SAMD5: variants seen among roughly 807,000 people sequenced by gnomAD.
The protein encoded by SAMD5 is sterile alpha motif domain containing 5, also known as sterile alpha motif domain-containing protein 5.
SAMD5 carries 13 observed loss-of-function variants against 11.3 expected under a neutral mutation model. The observed-to-expected ratio is 1.15, with a 90% CI of 0.75 to 1.83. The LOEUF (loss-of-function observed/expected upper bound fraction) is 1.83. SAMD5 is among the 40% of genes most tolerant of loss of function. The pLI, the probability that SAMD5 is intolerant of heterozygous loss-of-function variation, is 0.00. For missense variants in SAMD5, 255 were observed against 239.1 expected (o/e 1.07, Z -0.44); for synonymous variants, 129 against 111.3 (o/e 1.16, Z -1.00).
intron 1 of SAMD5, among the ~76,000 whole-genome samples, chr6:147,644,376 C>T (rs964675587): frequency 6.6e-6 from 1 of 152,132 alleles, no homozygotes; most frequent in Non-Finnish European, 1.5e-5. Flanking sequence ...AGACAGTTTA[C>T]TCACATTCTT....
the SAMD5 span, among the ~76,000 whole-genome samples, chr6:147,833,071 C>T: frequency 1.3e-5 from 2 of 152,152 alleles, no homozygotes; most frequent in African/African-American, 4.8e-5. Context: ...ACTGAAATCC[C>T]AGTGCCTGGG....
the SAMD5 span, among the ~76,000 whole-genome samples, chr6:147,789,112 C>T: frequency 4.8e-5 from 7 of 145,148 alleles, no homozygotes; most frequent in Non-Finnish European, 1.5e-5. Flanking sequence ...AAAAAAAAAA[C>T]ACCACCATCC....
chr6:147,918,478 G>T, the SAMD5 span, among the ~76,000 whole-genome samples: 1 of 152,098 alleles, frequency 6.6e-6, no homozygotes, highest in Non-Finnish European at 1.5e-5. Flanking sequence ...TCAACATAGT[G>T]TTGGAAGTTC....
the SAMD5 span, among the ~76,000 whole-genome samples, chr6:147,782,739 A>G: frequency 0.018 from 2,734 of 152,360 alleles, 74 homozygotes; most frequent in African/African-American, 0.062. Context: ...AAAGAGTCTA[A>G]AAGGTATTAT....
chr6:147,590,713 A>T (rs556978293), intron 1 of SAMD5, among the ~76,000 whole-genome samples: 1 of 152,282 alleles, frequency 6.6e-6, no homozygotes, highest in East Asian at 1.9e-4. Flanking sequence ...GCCTGGCCTC[A>T]GTAACTGTTT....
At chr6:147,897,133 T>C in the SAMD5 span, among the ~76,000 whole-genome samples, 5 of 152,224 alleles carry the variant, frequency 3.3e-5, no homozygotes, top group African/African-American at 2.4e-5. Context: ...GACTGAAATG[T>C]GTATTTTAAA....
At chr6:147,792,458 C>A in the SAMD5 span, among the ~76,000 whole-genome samples, 19 of 152,064 alleles carry the variant, frequency 1.2e-4, no homozygotes, top group African/African-American at 4.6e-4. Flanking sequence ...TAATGTTTAG[C>A]TAATATAGAC....
At chr6:147,579,357 G>T (rs1437755445) in intron 1 of SAMD5, among the ~76,000 whole-genome samples, 2 of 151,758 alleles carry the variant, frequency 1.3e-5, no homozygotes, top group African/African-American at 2.4e-5. Context: ...AAGGTGTTTT[G>T]TGGAAGAAAA....
At chr6:147,693,167 A>G (rs1441480478) in intron 1 of SAMD5, among the ~76,000 whole-genome samples, 1 of 152,222 alleles carries the variant, frequency 6.6e-6, no homozygotes, top group African/African-American at 2.4e-5. Flanking sequence ...TCTGGACTAC[A>G]CTGGCACCTT....
In SAMD5 at chr6:147,564,973, A is replaced by T. The variant is rs1789013562; in HGVS notation, c.*517A>T. On this transcript the variant is annotated 3_prime_UTR_variant, in exon 2 of 2. Coordinates refer to ENST00000367474, the MANE Select transcript of SAMD5 (RefSeq NM_001030060.3). ...TTTATAAGATAAGATACATAATTCT[A>T]TGTAGAATAGTTTGGTGAAGGAATT... The T allele has an allele frequency of 1.2e-6, 1 of 818,306 alleles. No homozygotes were observed. Among genetic ancestry groups the T allele is most frequent in the African/African-American group, 1.9e-5 (1 of 53,324 alleles). The allele number at this position is 818,306 out of a possible 1,614,324, so 50.7% of individuals were successfully genotyped here. A position where few individuals can be genotyped will look rare whatever the true frequency, so the allele number is the denominator to read the frequency against.
At chr6:147,689,075 G>A (rs1050309121) in intron 1 of SAMD5, among the ~76,000 whole-genome samples, 18 of 152,114 alleles carry the variant, frequency 1.2e-4, no homozygotes, top group African/African-American at 3.4e-4. Flanking sequence ...TCCTGGTTTG[G>A]TTTCTTTGGT....
At chr6:147,887,215 C>T in the SAMD5 span, among the ~76,000 whole-genome samples, 1 of 152,082 alleles carries the variant, frequency 6.6e-6, no homozygotes. Context: ...TCAAAGTGTG[C>T]AATTTGATAA....
intron 1 of SAMD5, among the ~76,000 whole-genome samples, chr6:147,580,258 A>C (rs1044981155): frequency 6.6e-6 from 1 of 152,346 alleles, no homozygotes. Flanking sequence ...TGTTAATGTC[A>C]AGGCCAGTCT....
At chr6:147,538,553 C>G (rs1011620582) in intron 1 of SAMD5, among the ~76,000 whole-genome samples, 29 of 151,854 alleles carry the variant, frequency 1.9e-4, no homozygotes, top group African/African-American at 7.0e-4. Flanking sequence ...AACTATATAC[C>G]GGGGTGGATC....
At chr6:147,646,839 A>G (rs181563317) in intron 1 of SAMD5, among the ~76,000 whole-genome samples, 5 of 152,084 alleles carry the variant, frequency 3.3e-5, no homozygotes, top group Admixed American at 2.0e-4. Flanking sequence ...AGAAAATGTT[A>G]TTAAGAAAAT....
chr6:147,786,256 T>C, the SAMD5 span, among the ~76,000 whole-genome samples: 3 of 152,238 alleles, frequency 2.0e-5, no homozygotes, highest in Non-Finnish European at 4.4e-5. Context: ...TACCTAGTTT[T>C]GATGGATTGC....
intron 1 of SAMD5, among the ~76,000 whole-genome samples, chr6:147,670,622 T>C (rs1031970347): frequency 2.0e-5 from 3 of 152,260 alleles, no homozygotes; most frequent in African/African-American, 7.2e-5. Flanking sequence ...TGATGGCTTC[T>C]TTTCTTAAAC....
At chr6:147,841,033 A>G in the SAMD5 span, among the ~76,000 whole-genome samples, 1 of 152,358 alleles carries the variant, frequency 6.6e-6, no homozygotes, top group Non-Finnish European at 1.5e-5. Flanking sequence ...ATAGTCATTC[A>G]AAATACATAG....
the SAMD5 span, among the ~76,000 whole-genome samples, chr6:147,934,076 C>T: frequency 3.9e-5 from 6 of 152,248 alleles, no homozygotes; most frequent in South Asian, 2.1e-4. Context: ...CCACCCACTC[C>T]GAGTCTGGTG....
Sources: allele counts gnomAD v4.1 joint callset (sites outside exome capture counted in the v4.1 genomes callset), GRCh38; gene constraint gnomAD v4.1.1; transcripts MANE v1.5; gene names NCBI Gene and HGNC (gene_info 2026-07-23, HGNC 2026-07-21).